Variants in PLAT observed in about 807,000 individuals in gnomAD.
PLAT encodes the protein tissue-type plasminogen activator.
A neutral mutation model predicts 74.9 loss-of-function variants in PLAT; 48 were observed. The ratio of observed to expected loss-of-function variants is 0.64; its 90% CI spans 0.51 to 0.82. The LOEUF is 0.82. Ranked by LOEUF, PLAT falls within the 40% of genes least tolerant of loss-of-function variation. The pLI, the probability that PLAT is intolerant of heterozygous loss-of-function variation, is 0.00. For missense variants in PLAT, 673 were observed against 736.2 expected, an observed-to-expected ratio of 0.91 and a Z score of 0.99; for synonymous variants, 307 against 294.4, an observed-to-expected ratio of 1.04 and a Z score of -0.44.
intron 2 of PLAT, among the ~76,000 whole-genome samples, chr8:42,192,002 CTTTT>C (rs1177070988): frequency 1.6e-5 from 2 of 127,124 alleles, no homozygotes; most frequent in Non-Finnish European, 3.4e-5. Flanking sequence ...TTGCCTTTTT[CTTTT>C]TTTTTTTTTT....
chr8:42,191,317 A>C (rs1587937818), intron 3 of PLAT, 55 bp downstream of exon 3: 1 of 1,482,516 alleles, frequency 6.7e-7, no homozygotes, highest in Non-Finnish European at 9.4e-7. Context: ...TGCACCCTGC[A>C]CCCCGCCCTG....
At chr8:42,194,596 C>T (rs547197833) in intron 1 of PLAT, among the ~76,000 whole-genome samples, 2 of 152,292 alleles carry the variant, frequency 1.3e-5, no homozygotes, top group Non-Finnish European at 2.9e-5. Flanking sequence ...GGAATTCCTG[C>T]CCTGGGCTTG....
intron 1 of PLAT, among the ~76,000 whole-genome samples, chr8:42,202,916 A>G (rs964193979): frequency 1.3e-5 from 2 of 152,146 alleles, no homozygotes; most frequent in African/African-American, 4.8e-5. Context: ...GACAGAGCAC[A>G]TCCCCACGGC....
intron 1 of PLAT, among the ~76,000 whole-genome samples, chr8:42,194,241 A>AGAGAGAGAGAGAGAGG (rs1419569830): frequency 1.9e-5 from 1 of 52,544 alleles, no homozygotes; most frequent in African/African-American, 6.7e-5. Context: ...AGAGAGAGAG[A>AGAGAGAGAGAGAGAGG]GTGTGTGTGT....
intron 11 of PLAT, 54 bp downstream of exon 11, chr8:42,180,188 G>A (rs747581399): frequency 1.2e-6 from 2 of 1,608,290 alleles, no homozygotes; most frequent in Non-Finnish European, 1.7e-6. Flanking sequence ...GTGAGTGCAT[G>A]TGGGTGTGTT....
Position 42,182,826 on chromosome 8 carries a change from C to A in PLAT, c.696G>T (p.Ser232=). The change falls in exon 8 of 14, where the codon TCG becomes TCT. Residue 232 remains serine, a synonymous_variant. Transcript: ENST00000220809. ...AATTCCACGGGAGGCAGGAGGCACC[C>A]GACTCGGTGAGGCTGTGCGTGCCAC... The part of the protein sequence containing the change: ...AYRGTHSLTE[S]GASCLPWNSM... 6.2e-7 allele frequency: 1 copy of A among 1,613,536 alleles called. No individual in the cohort carries two copies. The highest frequency in any genetic ancestry group is 1.1e-5 in the South Asian group (1 of 91,066).
intron 9 of PLAT, 46 bp from the exon 10 acceptor site, chr8:42,180,731 G>C: frequency 1.4e-6 from 2 of 1,409,108 alleles, no homozygotes; most frequent in Non-Finnish European, 1.9e-6. Flanking sequence ...CAGGCCTCCT[G>C]CACGTGTGTA....
At chr8:42,204,683 C>T (rs188189785) in intron 1 of PLAT, among the ~76,000 whole-genome samples, 1 of 147,390 alleles carries the variant, frequency 6.8e-6, no homozygotes, top group Non-Finnish European at 1.5e-5. Flanking sequence ...CCACTGCACC[C>T]CAGCCTGGTG....
chr8:42,183,106 C>T (rs900897672), intron 7 of PLAT, among the ~76,000 whole-genome samples: 3 of 152,258 alleles, frequency 2.0e-5, no homozygotes, highest in Admixed American at 1.3e-4. Flanking sequence ...TGGGTTCAAG[C>T]GATTCTTCTA....
intron 1 of PLAT, among the ~76,000 whole-genome samples, chr8:42,194,241 A>AGAGAGAGTGTGTGT (rs1419569830): frequency 1.5e-4 from 8 of 52,576 alleles, no homozygotes; most frequent in African/African-American, 4.7e-4. Context: ...AGAGAGAGAG[A>AGAGAGAGTGTGTGT]GTGTGTGTGT....
chr8:42,178,156 C>A (rs1007769829), intron 13 of PLAT, among the ~76,000 whole-genome samples: 1 of 152,056 alleles, frequency 6.6e-6, no homozygotes, highest in Non-Finnish European at 1.5e-5. Context: ...TTGAAAACTT[C>A]TTTCTCACAT....
chr8:42,189,638 G>A lies in PLAT; in HGVS notation c.116-567C>T, dbSNP rs918727335. On this transcript the variant is annotated intron_variant, in intron 3 of 13. Transcript: ENST00000220809. ...TTTTGAAACAAAGTCTCACTCTGTC[G>A]CCCAGGCTGGAGTGAAGTGGCACAA... Among the ~76,000 whole-genome samples, 5 of 149,884 alleles carry A rather than the reference G, an allele frequency of 3.3e-5. No homozygotes were observed. The East Asian group carries it at 6.0e-4, about 18-fold the overall frequency.
intron 7 of PLAT, among the ~76,000 whole-genome samples, chr8:42,183,135 G>A (rs1374289292): frequency 6.6e-6 from 1 of 152,062 alleles, no homozygotes; most frequent in Non-Finnish European, 1.5e-5. Flanking sequence ...TCCCGAGTAG[G>A]TGGGGTTACA....
At chr8:42,182,052 T>C (rs1381929403) in intron 8 of PLAT, 30 bp from the exon 9 acceptor site, 8 of 1,376,828 alleles carry the variant, frequency 5.8e-6, no homozygotes, top group Non-Finnish European at 5.2e-6. Flanking sequence ...AAGGTTTCCT[T>C]TTTATCTTCT....
chr8:42,178,366 G>A (rs1805062329), intron 13 of PLAT, among the ~76,000 whole-genome samples: 1 of 151,442 alleles, frequency 6.6e-6, no homozygotes, highest in Non-Finnish European at 1.5e-5. Flanking sequence ...TGCCTCCCGG[G>A]TTCAAGCGAT....
At chr8:42,195,130 C>T (rs989120666) in intron 1 of PLAT, among the ~76,000 whole-genome samples, 2 of 152,050 alleles carry the variant, frequency 1.3e-5, no homozygotes, top group African/African-American at 2.4e-5. Context: ...CCCCCTCCCC[C>T]GAGCGTCCTA....
intron 6 of PLAT, chr8:42,187,108 C>A: frequency 3.3e-6 from 1 of 301,534 alleles, no homozygotes; most frequent in Middle Eastern, 9.0e-4. Flanking sequence ...ATCTATCAAT[C>A]TATCATCTAT....
chr8:42,191,366 C>T lies in PLAT; in HGVS notation c.115+6G>A. 1 of 1,613,924 alleles carries T rather than the reference C, an allele frequency of 6.2e-7. No individual in the cohort carries two copies. Among genetic ancestry groups the T allele is most frequent in the East Asian group, 2.2e-5 (1 of 44,872 alleles). The stretch of plus-strand genomic sequence containing the variant: ...TGACCCCATGCACCCCTCAGCTTCA[C>T]CCGACCTTGGTAAGATCTGGCTCCT... On this transcript the variant is annotated splice_donor_region_variant and intron_variant, in intron 3 of 13. Coordinates refer to ENST00000220809, the MANE Select transcript of PLAT (RefSeq NM_000930.5).
chr8:42,199,613 C>A (rs1312589197), intron 1 of PLAT, among the ~76,000 whole-genome samples: 2 of 152,146 alleles, frequency 1.3e-5, no homozygotes, highest in Non-Finnish European at 2.9e-5. Flanking sequence ...CAATGCTCCA[C>A]CCTCTGCCTG....
Sources: allele counts gnomAD v4.1 joint callset (sites outside exome capture counted in the v4.1 genomes callset), GRCh38; gene constraint gnomAD v4.1.1; transcripts MANE v1.5; gene names NCBI Gene and HGNC (gene_info 2026-07-23, HGNC 2026-07-21).